PRR16: variants seen among roughly 807,000 people sequenced by gnomAD.
PRR16 encodes proline rich 16, also known as protein Largen.
PRR16 carries 6 observed loss-of-function variants against 18.2 expected under a neutral mutation model. That is an observed-to-expected ratio of 0.33 (90% CI 0.18 to 0.65). The LOEUF is 0.65. Ranked by LOEUF, PRR16 falls within the 30% of genes least tolerant of loss-of-function variation. PRR16 has a pLI of 0.74. For synonymous variants in PRR16, 151 were observed against 147.8 expected (o/e 1.02, Z -0.16); for missense variants, 412 against 376.6 (o/e 1.09, Z -0.78).
the PRR16 span, among the ~76,000 whole-genome samples, chr5:120,772,577 C>G: frequency 7.2e-6 from 1 of 138,712 alleles, no homozygotes; most frequent in African/African-American, 2.5e-5. Flanking sequence ...AAGCTACTAA[C>G]TTCTTTATTC....
intron 1 of PRR16, among the ~76,000 whole-genome samples, chr5:120,587,733 T>G (rs1407630876): frequency 6.6e-6 from 1 of 152,192 alleles, no homozygotes; most frequent in Non-Finnish European, 1.5e-5. Flanking sequence ...GTACATAAAT[T>G]AATGTTGTTT....
At chr5:120,553,048 C>T (rs1240319469) in intron 1 of PRR16, among the ~76,000 whole-genome samples, 2 of 151,698 alleles carry the variant, frequency 1.3e-5, no homozygotes, top group African/African-American at 2.4e-5. Flanking sequence ...TCATTTTCTT[C>T]CCTTTAGTGA....
chr5:120,577,651 T>C (rs1277688437), intron 1 of PRR16, among the ~76,000 whole-genome samples: 2 of 152,198 alleles, frequency 1.3e-5, no homozygotes, highest in South Asian at 4.1e-4. Flanking sequence ...TGGTGTGCCT[T>C]CTTCTATTAA....
At chr5:120,784,283 A>G in the PRR16 span, among the ~76,000 whole-genome samples, 1 of 152,172 alleles carries the variant, frequency 6.6e-6, no homozygotes, top group Admixed American at 6.5e-5. Context: ...AGGATTCTTC[A>G]TACTATTTTT....
the PRR16 span, among the ~76,000 whole-genome samples, chr5:120,699,689 A>G: frequency 1.3e-5 from 2 of 152,156 alleles, no homozygotes; most frequent in Non-Finnish European, 2.9e-5. Flanking sequence ...CGCAGACATG[A>G]GGGCTAGGCT....
intron 1 of PRR16, chr5:120,618,514 G>A (rs778833255): frequency 2.2e-5 from 21 of 961,708 alleles, no homozygotes; most frequent in Non-Finnish European, 2.6e-5. Flanking sequence ...AAGAGGGAAT[G>A]GTATTTGGAA....
At chr5:120,660,246 A>G (rs969859476) in intron 1 of PRR16, among the ~76,000 whole-genome samples, 1 of 152,092 alleles carries the variant, frequency 6.6e-6, no homozygotes, top group Non-Finnish European at 1.5e-5. Flanking sequence ...TGTATTTCTT[A>G]GGAACAGTTT....
chr5:120,497,920 G>A (rs1351312179), intron 1 of PRR16, among the ~76,000 whole-genome samples: 1 of 151,340 alleles, frequency 6.6e-6, no homozygotes, highest in Admixed American at 6.6e-5. Flanking sequence ...TTTAATTCCT[G>A]TCTATATCAT....
At chr5:120,785,567 T>C in the PRR16 span, among the ~76,000 whole-genome samples, 1 of 130,552 alleles carries the variant, frequency 7.7e-6, no homozygotes, top group Non-Finnish European at 1.7e-5. Flanking sequence ...GTGTGTTTTG[T>C]TGTTGTTGTT....
At chr5:120,695,202 T>C in the PRR16 span, among the ~76,000 whole-genome samples, 1 of 152,186 alleles carries the variant, frequency 6.6e-6, no homozygotes, top group African/African-American at 2.4e-5. Context: ...TTAAAAACTT[T>C]ATAGTTGTAT....
At chr5:120,574,401 C>T (rs1753008320) in intron 1 of PRR16, among the ~76,000 whole-genome samples, 2 of 151,916 alleles carry the variant, frequency 1.3e-5, no homozygotes, top group South Asian at 4.1e-4. Flanking sequence ...ACCAGGAGTT[C>T]GAGACCAGCC....
chr5:120,782,524 C>G, the PRR16 span, among the ~76,000 whole-genome samples: 1 of 152,144 alleles, frequency 6.6e-6, no homozygotes, highest in African/African-American at 2.4e-5. Context: ...AAGTTCCTGG[C>G]TACCTATTTT....
At chr5:120,705,703 CTA>C in the PRR16 span, among the ~76,000 whole-genome samples, 1 of 152,074 alleles carries the variant, frequency 6.6e-6, no homozygotes, top group African/African-American at 2.4e-5. Context: ...ATTATGATCA[CTA>C]TGTATATTTG....
intron 1 of PRR16, among the ~76,000 whole-genome samples, chr5:120,542,164 G>A (rs1029631819): frequency 6.6e-6 from 1 of 152,028 alleles, no homozygotes; most frequent in African/African-American, 2.4e-5. Context: ...CCTTGTTAGT[G>A]CCTCGAGTCA....
At position 120,686,004 on chromosome 5, in the gene PRR16, G is replaced by A. The variant is rs1463458966; in HGVS notation, c.210G>A (p.Glu70=). Reference sequence around the variant, plus strand: ...CCTCTGACCTACAGCTGGAGGATGAGATGACTGACAGCTCCAAAACGGACA... The same window carrying A: ...CCTCTGACCTACAGCTGGAGGATGAAATGACTGACAGCTCCAAAACGGACA... The part of the protein sequence containing the change: ...TLTSDLQLED[E]MTDSSKTDTL... Residue 70 remains glutamate (E), a synonymous_variant, in exon 2 of 2, where the codon GAG becomes GAA. Coordinates refer to ENST00000407149, the MANE Select transcript of PRR16 (RefSeq NM_001300783.2). 1.2e-6 allele frequency: 2 copies of A among 1,614,108 alleles called. No homozygotes were observed. Among genetic ancestry groups the A allele is most frequent in the Non-Finnish European group, 1.7e-6 (2 of 1,179,970 alleles).
chr5:120,715,381 A>G, the PRR16 span, among the ~76,000 whole-genome samples: 2 of 152,206 alleles, frequency 1.3e-5, no homozygotes, highest in African/African-American at 2.4e-5. Flanking sequence ...TTACTACTCA[A>G]TGAAAACTAT....
intron 1 of PRR16, among the ~76,000 whole-genome samples, chr5:120,638,074 A>G (rs1055284036): frequency 3.3e-4 from 51 of 152,264 alleles, no homozygotes; most frequent in African/African-American, 1.1e-3. Flanking sequence ...TTTATGTTTT[A>G]TATATATCTT....
the PRR16 span, among the ~76,000 whole-genome samples, chr5:120,741,664 C>T: frequency 6.6e-6 from 1 of 152,062 alleles, no homozygotes; most frequent in African/African-American, 2.4e-5. Context: ...TACACTGGCC[C>T]GATCACGGCT....
chr5:120,749,021 C>T, the PRR16 span, among the ~76,000 whole-genome samples: 1 of 152,146 alleles, frequency 6.6e-6, no homozygotes, highest in African/African-American at 2.4e-5. Context: ...TTATATGCCA[C>T]CTCCAAGTGG....
Sources: gnomAD v4.1 joint callset for allele counts (sites outside exome capture counted in the v4.1 genomes callset) on GRCh38, gnomAD v4.1.1 for gene constraint, MANE v1.5 for transcripts, NCBI Gene and HGNC (gene_info 2026-07-23, HGNC 2026-07-21) for gene names.